KCNJ12: variants seen among roughly 807,000 people sequenced by gnomAD.
The protein encoded by KCNJ12 is potassium inwardly rectifying channel subfamily J member 12, also known as ATP-sensitive inward rectifier potassium channel 12.
In KCNJ12, 2 loss-of-function variants were observed where a neutral mutation model predicts 22.3. That is an observed-to-expected ratio of 0.09 (90% CI 0.04 to 0.28). The LOEUF is 0.28. Among genes scored for constraint, KCNJ12 ranks in the 10% least tolerant of loss-of-function variants. The pLI, the probability that KCNJ12 is intolerant of heterozygous loss-of-function variation, is 1.00. For missense variants in KCNJ12, 155 were observed against 633.3 expected (o/e 0.24, Z 8.11); for synonymous variants, 117 against 261.4 (o/e 0.45, Z 5.33).
At chr17:21,395,360 C>A (rs1905320140) in intron 1 of KCNJ12, among the ~76,000 whole-genome samples, 1 of 148,934 alleles carries the variant, frequency 6.7e-6, no homozygotes, top group Non-Finnish European at 1.5e-5. Flanking sequence ...TTTGGGAGGC[C>A]AAAGCAGGTG....
rs1906969935 is a variant in KCNJ12, at chr17:21,418,457, TG to T, written c.*1818del. ...TGGGGTGCAGGAGACAGAGAGGGGCTGGGGGCGTGGGGTGGGGGTGTCTGCC... is the reference window on the plus strand; with the variant it reads ...TGGGGTGCAGGAGACAGAGAGGGGCTGGGGCGTGGGGTGGGGGTGTCTGCC... On this transcript the variant is annotated 3_prime_UTR_variant, in exon 3 of 3. Transcript: ENST00000583088. 7.6e-6 allele frequency: 1 copy of T among 132,012 alleles called. No homozygotes were observed. Among genetic ancestry groups the T allele is most frequent in the Non-Finnish European group, 1.8e-5 (1 of 56,106 alleles). 8.2% of individuals were successfully genotyped at this position (132,012 alleles called of 1,614,324 possible).
At chr17:21,404,407 G>T (rs1227858983) in intron 1 of KCNJ12, among the ~76,000 whole-genome samples, 2 of 152,266 alleles carry the variant, frequency 1.3e-5, no homozygotes, top group Non-Finnish European at 2.9e-5. Context: ...CTGGGCTCCC[G>T]AGGGCCCAGC....
chr17:21,395,642 A>ATAGTG (rs1905337386), intron 1 of KCNJ12, among the ~76,000 whole-genome samples: 2 of 151,568 alleles, frequency 1.3e-5, no homozygotes, highest in East Asian at 1.9e-4. Context: ...GATAACAGGG[A>ATAGTG]TAGTGATATA....
At chr17:21,414,290 C>T (rs1397386385) in intron 2 of KCNJ12, among the ~76,000 whole-genome samples, 6 of 152,282 alleles carry the variant, frequency 3.9e-5, no homozygotes, top group African/African-American at 1.4e-4. Flanking sequence ...GCCTGGCCAA[C>T]ATGGTGAAAC....
At chr17:21,408,671 G>A (rs1879979259) in intron 2 of KCNJ12, 31 bp downstream of exon 2, 1 of 152,414 alleles carries the variant, frequency 6.6e-6, no homozygotes. Flanking sequence ...ATGCTCTTGT[G>A]CATCTAGGCA....
rs1223062316 is a variant in KCNJ12 at position 21,416,594 on chromosome 17, G to A, written c.1252G>A (p.Gly418Ser). ...ARHDFDRLQAGGGVLEQRPYR... is the reference protein window; with the variant it reads ...ARHDFDRLQASGGVLEQRPYR... ...GCATGACTTTGACAGACTCCAGGCTGGCGGCGGGGTCCTGGAGCAGCGGCC... is the reference window on the plus strand; with the variant it reads ...GCATGACTTTGACAGACTCCAGGCTAGCGGCGGGGTCCTGGAGCAGCGGCC... Residue 418 changes from glycine to serine, a missense_variant, in exon 3 of 3, where the codon GGC becomes AGC. Transcript: ENST00000583088. 25 of 1,605,484 alleles carry A rather than the reference G, an allele frequency of 1.6e-5. No individual in the cohort carries two copies. The highest frequency in any genetic ancestry group is 2.0e-5 in the Non-Finnish European group (24 of 1,175,840).
rs1161721159 is a variant in KCNJ12, at chr17:21,380,174, G to A, written c.-179+3261G>A. On this transcript the variant is annotated intron_variant, in intron 1 of 2. Coordinates refer to ENST00000583088, the MANE Select transcript of KCNJ12 (RefSeq NM_021012.5). ...CTGCATGCCATCCCAGCTCCCGGGA[G>A]CTGTATTCCTAGGACCTAGTTAAGC... 2.0e-4 allele frequency among the ~76,000 whole-genome samples: 30 copies of A among 152,208 alleles called. 1 individual carries two copies. Among genetic ancestry groups the A allele is most frequent in the Non-Finnish European group, 4.4e-4 (30 of 68,030 alleles).
At chr17:21,381,879 C>T (rs999620036) in intron 1 of KCNJ12, among the ~76,000 whole-genome samples, 66 of 152,216 alleles carry the variant, frequency 4.3e-4, no homozygotes, top group Admixed American at 4.3e-3. Flanking sequence ...TGGCAGGCGC[C>T]CAGTAAACAC....
At chr17:21,413,956 G>T (rs1191738556) in intron 2 of KCNJ12, among the ~76,000 whole-genome samples, 7 of 152,250 alleles carry the variant, frequency 4.6e-5, no homozygotes, top group Admixed American at 2.0e-4. Flanking sequence ...GGAAGCAGGG[G>T]CTGGGGAGGG....
At chr17:21,384,835 C>G (rs1441704256) in intron 1 of KCNJ12, among the ~76,000 whole-genome samples, 1 of 149,790 alleles carries the variant, frequency 6.7e-6, no homozygotes, top group South Asian at 2.1e-4. Context: ...TGCAATGGCG[C>G]GATCTCAGCT....
chr17:21,406,875 G>A (rs1905973668), intron 1 of KCNJ12, among the ~76,000 whole-genome samples: 2 of 152,296 alleles, frequency 1.3e-5, no homozygotes, highest in Non-Finnish European at 2.9e-5. Flanking sequence ...CATGTCAGGT[G>A]GCTCACCGTG....
intron 1 of KCNJ12, among the ~76,000 whole-genome samples, chr17:21,395,556 G>A (rs1905329221): frequency 1.0e-5 from 1 of 99,770 alleles, no homozygotes. Flanking sequence ...ACTCCAGAGC[G>A]AGACTTCTTC....
intron 1 of KCNJ12, among the ~76,000 whole-genome samples, chr17:21,377,120 C>G (rs1261958525): frequency 2.6e-5 from 4 of 152,232 alleles, no homozygotes; most frequent in Non-Finnish European, 5.9e-5. Flanking sequence ...GCGAGCTTTT[C>G]TTTTCCTGCC....
intron 1 of KCNJ12, among the ~76,000 whole-genome samples, chr17:21,399,457 G>T (rs1269754158): frequency 6.6e-6 from 1 of 152,122 alleles, no homozygotes; most frequent in Non-Finnish European, 1.5e-5. Flanking sequence ...CTCTGCTCTG[G>T]GACAAATGTC....
At chr17:21,407,798 T>C (rs1906058496) in intron 1 of KCNJ12, among the ~76,000 whole-genome samples, 1 of 15,572 alleles carries the variant, frequency 6.4e-5, no homozygotes, top group Non-Finnish European at 1.2e-4. Flanking sequence ...TATCCATTCA[T>C]CCACTCATCC....
At chr17:21,407,993 TCATCCATCCATCCATC>T (rs60311230) in intron 1 of KCNJ12, among the ~76,000 whole-genome samples, 1 of 134,472 alleles carries the variant, frequency 7.4e-6, no homozygotes, top group Non-Finnish European at 1.6e-5. Context: ...CACCCATCCA[TCATCCATCCATCCATC>T]CATCCATCCA....
At chr17:21,380,462 A>AG (rs1491186907) in intron 1 of KCNJ12, among the ~76,000 whole-genome samples, 1 of 152,056 alleles carries the variant, frequency 6.6e-6, no homozygotes, top group Non-Finnish European at 1.5e-5. Flanking sequence ...GGACAGACTC[A>AG]GGGGGGCAAG....
chr17:21,377,610 C>T (rs1555557439), intron 1 of KCNJ12, among the ~76,000 whole-genome samples: 1 of 151,956 alleles, frequency 6.6e-6, no homozygotes, highest in Non-Finnish European at 1.5e-5. Flanking sequence ...TCTCCGGGTG[C>T]CCTGGGGGAG....
At chr17:21,381,335 T>G (rs1485942834) in intron 1 of KCNJ12, among the ~76,000 whole-genome samples, 1 of 152,110 alleles carries the variant, frequency 6.6e-6, no homozygotes, top group Non-Finnish European at 1.5e-5. Context: ...CCAGAGCCAC[T>G]CTGGGCCATT....
Sources: allele counts gnomAD v4.1 joint callset (sites outside exome capture counted in the v4.1 genomes callset), GRCh38; gene constraint gnomAD v4.1.1; transcripts MANE v1.5; gene names NCBI Gene and HGNC (gene_info 2026-07-23, HGNC 2026-07-21).